PLEKHA6: variants seen among roughly 807,000 people sequenced by gnomAD.
PLEKHA6 encodes the protein pleckstrin homology domain-containing family A member 6.
Under a neutral mutation model 116.7 loss-of-function variants are expected in PLEKHA6, and 60 were observed. The observed-to-expected ratio is 0.51, with a 90% confidence interval of 0.42 to 0.64. The LOEUF is 0.64. Ranked by LOEUF, PLEKHA6 falls within the 30% of genes least tolerant of loss-of-function variation. The pLI, the probability that PLEKHA6 is intolerant of heterozygous loss-of-function variation, is 0.00. For missense variants in PLEKHA6, 1,338 were observed against 1,422.7 expected (o/e 0.94, Z 0.96); for synonymous variants, 489 against 556.1 (o/e 0.88, Z 1.70).
Position 204,277,994 on chromosome 1 carries a change from C to G in PLEKHA6, c.-94-3185G>C, listed in dbSNP as rs570053752. ...GCAAATGGGGCTTGAGAGGGGGTCA[C>G]TGTGTGTTTATGGCTGAAAATCTTC... On this transcript the variant is annotated intron_variant, in intron 1 of 22. Transcript: ENST00000272203. This position sits in a 1 kb window ranked among gnomAD's most constrained non-coding sequence, Gnocchi z 4.1. 71 of 152,364 alleles carry G rather than the reference C, an allele frequency of 4.7e-4. No individual in the cohort carries two copies. The highest frequency in any genetic ancestry group is 1.7e-3 in the African/African-American group (69 of 41,560). The allele number at this position is 152,364 out of a possible 1,614,324, so 9.4% of individuals were successfully genotyped here. A position where few individuals can be genotyped will look rare whatever the true frequency, so the allele number is the denominator to read the frequency against.
At chr1:204,295,836 A>C (rs1169493396) in intron 1 of PLEKHA6, among the ~76,000 whole-genome samples, 1 of 152,180 alleles carries the variant, frequency 6.6e-6, no homozygotes. Flanking sequence ...AGGGTGGCCA[A>C]AGGTCAAGCA....
At chr1:204,246,944 C>T (rs1056573208) in intron 13 of PLEKHA6, among the ~76,000 whole-genome samples, 7 of 152,222 alleles carry the variant, frequency 4.6e-5, no homozygotes, top group African/African-American at 1.4e-4. Flanking sequence ...GAGACCAGCC[C>T]GGCCAACACA....
chr1:204,313,659 C>G, intron 1 of PLEKHA6: 2 of 984,758 alleles, frequency 2.0e-6, no homozygotes, highest in Non-Finnish European at 2.4e-6. Context: ...CCTCCATGCC[C>G]CCATCCTCAG....
chr1:204,261,241 G>A lies in PLEKHA6; in HGVS notation c.524+65C>T, dbSNP rs554580620. ...CTGGGATTAGCAATGGCCCAGAGCT[G>A]GGTGTGTCTTCCATTCCCCTCTTTA... On this transcript the variant is annotated intron_variant, in intron 7 of 22. Coordinates refer to ENST00000272203, the MANE Select transcript of PLEKHA6 (RefSeq NM_014935.5). This position sits in a 1 kb window ranked among gnomAD's most constrained non-coding sequence, Gnocchi z 4.0. The A allele has an allele frequency of 2.5e-6, 4 of 1,572,742 alleles. No homozygotes were observed. The African/African-American group carries it at 4.0e-5, about 16-fold the overall frequency.
chr1:204,251,672 C>A, intron 9 of PLEKHA6: 2 of 684,532 alleles, frequency 2.9e-6, no homozygotes, highest in South Asian at 1.6e-5. Flanking sequence ...ATCTCCCCTT[C>A]ACCCACCTGT....
At chr1:204,375,927 T>TTTTTTTTTTTTTTTTTTTTTTTTTTTGA (rs1405738876) in intron 1 of PLEKHA6, among the ~76,000 whole-genome samples, 4 of 150,570 alleles carry the variant, frequency 2.7e-5, no homozygotes, top group African/African-American at 9.9e-5. Context: ...CTTTCACTCT[T>TTTTTTTTTTTTTTTTTTTTTTTTTTTGA]GTCTCTCCTC....
intron 3 of PLEKHA6, among the ~76,000 whole-genome samples, chr1:204,365,174 G>A (rs1387185429): frequency 6.6e-6 from 1 of 152,126 alleles, no homozygotes; most frequent in African/African-American, 2.4e-5. Flanking sequence ...GGGAAGGGGG[G>A]CGGGAGCGAG....
Position 204,257,267 on chromosome 1 carries a change from C to T in PLEKHA6, c.1524+86G>A, listed in dbSNP as rs1665433719. The T allele has an allele frequency of 2.3e-6, 3 of 1,294,820 alleles. No homozygotes were observed. In the Admixed American group the frequency reaches 6.0e-5, roughly 26 times the overall value. The allele number at this position is 1,294,820 out of a possible 1,614,324, so 80.2% of individuals were successfully genotyped here. On this transcript the variant is annotated intron_variant, in intron 9 of 22. Coordinates refer to ENST00000272203, the MANE Select transcript of PLEKHA6 (RefSeq NM_014935.5). This position sits in a 1 kb window ranked among gnomAD's most constrained non-coding sequence, Gnocchi z 6.5. Reference sequence around the variant, plus strand: ...CAGTGGCCCCGTGGCACAGATGCTCCCACATCTCTGCCTTTTCTCAGTAGA... The same window carrying T: ...CAGTGGCCCCGTGGCACAGATGCTCTCACATCTCTGCCTTTTCTCAGTAGA...
intron 1 of PLEKHA6, chr1:204,313,646 C>A (rs1671747196): frequency 2.0e-6 from 2 of 984,570 alleles, no homozygotes; most frequent in South Asian, 9.4e-5. Context: ...ATATGATTCT[C>A]CACCTCCATG....
At chr1:204,248,237 C>T (rs1384928176) in intron 12 of PLEKHA6, among the ~76,000 whole-genome samples, 1 of 149,724 alleles carries the variant, frequency 6.7e-6, no homozygotes, top group Non-Finnish European at 1.5e-5. Context: ...CGGCTCACGG[C>T]AACCTCCGCC....
At chr1:204,336,563 C>CGTGTGTGTGTGT (rs10538125) in intron 1 of PLEKHA6, among the ~76,000 whole-genome samples, 59 of 148,924 alleles carry the variant, frequency 4.0e-4, no homozygotes, top group African/African-American at 1.3e-3. Flanking sequence ...GGTGTGTGAG[C>CGTGTGTGTGTGT]GTGTGTGTGT....
At chr1:204,307,737 A>G (rs570787638) in intron 1 of PLEKHA6, 9 of 304,082 alleles carry the variant, frequency 3.0e-5, no homozygotes, top group African/African-American at 1.8e-4. Context: ...AGCTGCAGCA[A>G]CTCCTGAAAC....
intron 6 of PLEKHA6, 22 bp downstream of exon 6, chr1:204,264,920 T>A (rs910174713): frequency 6.5e-7 from 1 of 1,550,296 alleles, no homozygotes. Flanking sequence ...CCACCTGCCC[T>A]GGGAAGGGAA....
chr1:204,274,428 C>G (rs1016268702), intron 2 of PLEKHA6, among the ~76,000 whole-genome samples: 7 of 152,174 alleles, frequency 4.6e-5, no homozygotes, highest in Admixed American at 4.6e-4. Context: ...CAGATTTTCT[C>G]AGCGCTTCCG....
intron 1 of PLEKHA6, among the ~76,000 whole-genome samples, chr1:204,276,598 A>G (rs929883384): frequency 1.3e-5 from 2 of 149,998 alleles, no homozygotes; most frequent in Admixed American, 6.6e-5. Flanking sequence ...TGTGTTCCCA[A>G]TGGTAACTGC....
rs1372518637 is a variant in PLEKHA6, at chr1:204,359,877, G to A, written c.-278C>T. 5 of 163,300 alleles carry A rather than the reference G, an allele frequency of 3.1e-5. No individual in the cohort carries two copies. Among genetic ancestry groups the A allele is most frequent in the Non-Finnish European group, 6.4e-5 (5 of 78,132 alleles). 10.1% of individuals were successfully genotyped at this position (163,300 alleles called of 1,614,324 possible). ...TCTCTCCGGCTGGCAGGTCCCTGGC[G>A]CAGGGAGAGGATGCTGTTGTGGTTA... is the stretch of plus-strand genomic sequence containing the variant. On this transcript the variant is annotated 5_prime_UTR_variant, in exon 1 of 23. Coordinates refer to ENST00000272203, the MANE Select transcript of PLEKHA6 (RefSeq NM_014935.5).
At chr1:204,300,658 C>T (rs1224974037) in intron 1 of PLEKHA6, among the ~76,000 whole-genome samples, 1 of 152,208 alleles carries the variant, frequency 6.6e-6, no homozygotes, top group Non-Finnish European at 1.5e-5. Context: ...CCGTGCCCAC[C>T]CTTGAGTTGT....
chr1:204,297,045 G>A (rs1670353522), intron 1 of PLEKHA6: 1 of 916,198 alleles, frequency 1.1e-6, no homozygotes, highest in Non-Finnish European at 1.3e-6. Flanking sequence ...ACCCATCCCT[G>A]CAGATTTCTT....
chr1:204,250,663 T>C lies in PLEKHA6; in HGVS notation c.1525-49A>G, dbSNP rs541047685. 37 of 1,274,780 alleles carry C rather than the reference T, an allele frequency of 2.9e-5. No individual in the cohort carries two copies. The South Asian group carries it at 4.1e-4, about 14-fold the overall frequency. 79.0% of individuals were successfully genotyped at this position (1,274,780 alleles called of 1,614,324 possible). On this transcript the variant is annotated intron_variant, in intron 9 of 22. Transcript: ENST00000272203. Reference sequence around the variant, plus strand: ...CTGCAGCAGGGGCAGGATGAGGGTATGCAGGGATAGGAAGCTAACATCACA... The same window carrying C: ...CTGCAGCAGGGGCAGGATGAGGGTACGCAGGGATAGGAAGCTAACATCACA...
Sources: allele counts gnomAD v4.1 joint callset (sites outside exome capture counted in the v4.1 genomes callset), GRCh38; gene constraint gnomAD v4.1.1; non-coding constraint Gnocchi (gnomAD v3.1); transcripts MANE v1.5; gene names NCBI Gene and HGNC (gene_info 2026-07-23, HGNC 2026-07-21).